Variants in BCL9L observed in about 807,000 individuals in gnomAD.
The protein encoded by BCL9L is B-cell CLL/lymphoma 9-like protein.
In BCL9L, 19 loss-of-function variants were observed where a neutral mutation model predicts 99.4. The observed-to-expected ratio is 0.19, with a 90% CI of 0.13 to 0.28. BCL9L has a LOEUF of 0.28. Ranked by LOEUF, BCL9L falls within the 10% of genes least tolerant of loss-of-function variation. The pLI, the probability that BCL9L is intolerant of heterozygous loss-of-function variation, is 1.00. For missense variants in BCL9L, 2,023 were observed against 2,101.6 expected, an observed-to-expected ratio of 0.96 and a Z score of 0.73; for synonymous variants, 900 against 854.8, an observed-to-expected ratio of 1.05 and a Z score of -0.92.
chr11:118,900,938 G>A lies in BCL9L; in HGVS notation c.2805C>T (p.Pro935=), dbSNP rs760327340. The change falls in exon 8 of 10, where the codon CCC becomes CCT. Residue 935 remains proline, a synonymous_variant. Coordinates refer to ENST00000683865, the MANE Select transcript of BCL9L (RefSeq NM_001378213.1). The surrounding 1 kb of genome is among the most constrained non-coding windows in gnomAD (Gnocchi z 5.3). The stretch of plus-strand genomic sequence containing the variant: ...GGGGTGAGTGCACCTGGCTAAGGGT[G>A]GGCGACTTCAAGTGCCCCATGCCCG... The part of the protein sequence containing the change: ...GSPGMGHLKS[P]TLSQVHSPLV... 4.2e-5 allele frequency: 65 copies of A among 1,559,536 alleles called. 1 individual carries two copies. The South Asian group carries it at 7.1e-4, about 17-fold the overall frequency.
chr11:118,900,906 G>A lies in BCL9L; in HGVS notation c.2837C>T (p.Thr946Ile). 13 of 1,584,596 alleles carry A rather than the reference G, an allele frequency of 8.2e-6. No individual in the cohort carries two copies. Among genetic ancestry groups the A allele is most frequent in the Non-Finnish European group, 1.0e-5 (12 of 1,162,810 alleles). Residue 946 changes from threonine (T) to isoleucine (I), a missense_variant, in exon 8 of 10, where the codon ACC becomes ATC. By Grantham distance (89) the Thr-to-Ile change is moderately conservative. Coordinates refer to ENST00000683865, the MANE Select transcript of BCL9L (RefSeq NM_001378213.1). The surrounding 1 kb of genome is among the most constrained non-coding windows in gnomAD (Gnocchi z 5.3). ...TLSQVHSPLVTSPSANLKSPQ... is the reference protein window; with the variant it reads ...TLSQVHSPLVISPSANLKSPQ... ...TGACTTGAGGTTGGCAGAGGGCGAG[G>A]TGACCAGGGGTGAGTGCACCTGGCT...
Position 118,898,855 on chromosome 11 carries a change from G to T in BCL9L, c.4060C>A (p.Pro1354Thr). 1 of 1,614,112 alleles carries T rather than the reference G, an allele frequency of 6.2e-7. No homozygotes were observed. The highest frequency in any genetic ancestry group is 8.5e-7 in the Non-Finnish European group (1 of 1,180,010). The part of the protein sequence containing the change: ...KSENQPPKAQ[P>T]PNLHLMNLQN... Reference sequence around the variant, plus strand: ...AGGTTCATGAGATGCAGATTAGGGGGCTGAGCCTTGGGGGGCTGGTTCTCG... The same window carrying T: ...AGGTTCATGAGATGCAGATTAGGGGTCTGAGCCTTGGGGGGCTGGTTCTCG... Residue 1354 changes from proline (P) to threonine (T), a missense_variant, in exon 10 of 10, where the codon CCC (proline) becomes ACC (threonine). Coordinates refer to ENST00000683865, the MANE Select transcript of BCL9L (RefSeq NM_001378213.1).
rs759439465 is a variant in BCL9L, at chr11:118,902,213, C to T, written c.1530G>A (p.Gln510=). 4 of 1,613,548 alleles carry T rather than the reference C, an allele frequency of 2.5e-6. No homozygotes were observed. In the East Asian group the frequency reaches 8.9e-5, roughly 36 times the overall value. The part of the protein sequence containing the change: ...QMNMMIQRLG[Q]DSLTPEQVAW... ...CCACCTGCTCAGGCGTGAGGCTGTC[C>T]TGGCCCAGCCTCTGTATCATCATGT... Residue 510 remains glutamine, a synonymous_variant, in exon 8 of 10, where the codon CAG becomes CAA. Transcript: ENST00000683865. The surrounding 1 kb of genome is among the most constrained non-coding windows in gnomAD (Gnocchi z 7.8).
chr11:118,904,301 C>T (rs181669193), intron 5 of BCL9L, among the ~76,000 whole-genome samples: 5 of 152,064 alleles, frequency 3.3e-5, no homozygotes, highest in Admixed American at 3.3e-4. Flanking sequence ...ATTAACTGGG[C>T]ATGGTGGCGC....
chr11:118,908,862 A>T (rs1404742842), intron 3 of BCL9L, among the ~76,000 whole-genome samples: 1 of 152,032 alleles, frequency 6.6e-6, no homozygotes, highest in East Asian at 1.9e-4. Flanking sequence ...TGGGGAGTGG[A>T]GATGGGGAAA....
Position 118,900,650 on chromosome 11 carries a change from G to A in BCL9L, c.3093C>T (p.Asn1031=), listed in dbSNP as rs1400283625. Residue 1031 remains asparagine, a synonymous_variant, in exon 8 of 10, where the codon AAC becomes AAT. Transcript: ENST00000683865. This position sits in a 1 kb window ranked among gnomAD's most constrained non-coding sequence, Gnocchi z 5.3. ...CCATGTTGCTCAGGGTGGTGGAAGAGTTCATGTTGAGAGGCGGCTGCTTGT... is the reference window on the plus strand; with the variant it reads ...CCATGTTGCTCAGGGTGGTGGAAGAATTCATGTTGAGAGGCGGCTGCTTGT... The part of the protein sequence containing the change: ...SQNKQPPLNM[N]SSTTLSNMEQ... 2 of 1,612,264 alleles carry A rather than the reference G, an allele frequency of 1.2e-6. No individual in the cohort carries two copies. Among genetic ancestry groups the A allele is most frequent in the African/African-American group, 2.7e-5 (2 of 74,904 alleles).
chr11:118,910,051 T>A, intron 2 of BCL9L, 36 bp from the exon 3 acceptor site: 1 of 1,459,980 alleles, frequency 6.8e-7, no homozygotes. Flanking sequence ...AACTCGTGAC[T>A]TGGGGAGGGG....
intron 4 of BCL9L, 100 bp from the exon 5 acceptor site, chr11:118,907,702 C>T: frequency 6.6e-7 from 1 of 1,523,020 alleles, no homozygotes; most frequent in Non-Finnish European, 8.8e-7. Context: ...ATGCCCCACC[C>T]TAGAGGGCAC....
Position 118,899,248 on chromosome 11 carries a change from A to T in BCL9L, c.3667T>A (p.Ser1223Thr). Residue 1223 changes from serine (S) to threonine (T), a missense_variant, in exon 10 of 10, where the codon TCC (serine) becomes ACC (threonine). Ser to Thr is a moderately conservative substitution (Grantham distance 58, BLOSUM62 1). Around this residue, in one of 3 missense-constraint regions of BCL9L, gnomAD observed 902 missense variants for 888.2 expected, o/e 1.02. Coordinates refer to ENST00000683865, the MANE Select transcript of BCL9L (RefSeq NM_001378213.1). ...NAPCGPVPSS[S>T]QMMPFPPRLQ... ...CGAGGGGGGAAGGGCATCATCTGGG[A>T]GGAGCTGGGCACTGGGCCACAGGGG... 1 of 1,519,102 alleles carries T rather than the reference A, an allele frequency of 6.6e-7. No homozygotes were observed. The highest frequency in any genetic ancestry group is 8.8e-7 in the Non-Finnish European group (1 of 1,135,034). 94.1% of individuals were successfully genotyped at this position (1,519,102 alleles called of 1,614,324 possible). A position where few individuals can be genotyped will look rare whatever the true frequency, so the allele number is the denominator to read the frequency against.
In BCL9L at chr11:118,903,275, G is replaced by C; in HGVS notation, c.710C>G (p.Ser237Trp). 2 of 1,585,930 alleles carry C rather than the reference G, an allele frequency of 1.3e-6. No individual in the cohort carries two copies. Among genetic ancestry groups the C allele is most frequent in the Non-Finnish European group, 1.7e-6 (2 of 1,168,114 alleles). Residue 237 changes from serine to tryptophan, a missense_variant, in exon 6 of 10, where the codon TCG becomes TGG. Physicochemically the swap from Ser to Trp is radical, Grantham distance 177 (BLOSUM62 -3). This residue lies in a region of BCL9L where 1,116 missense variants were observed against 1,194.6 expected (regional missense o/e 0.93). Coordinates refer to ENST00000683865, the MANE Select transcript of BCL9L (RefSeq NM_001378213.1). This position sits in a 1 kb window ranked among gnomAD's most constrained non-coding sequence, Gnocchi z 5.6. Reference sequence around the variant, plus strand: ...GGTGGTGAAGACATATACGAACTGCGAGGGAGGCTTTCCGGGGACGCCCCC... The same window carrying C: ...GGTGGTGAAGACATATACGAACTGCCAGGGAGGCTTTCCGGGGACGCCCCC... ...GGGGVPGKPP[S>W]QFVYVFTTHL...
At chr11:118,905,025 T>C (rs1940448462) in intron 5 of BCL9L, among the ~76,000 whole-genome samples, 1 of 152,178 alleles carries the variant, frequency 6.6e-6, no homozygotes, top group African/African-American at 2.4e-5. Flanking sequence ...AGCTAACATG[T>C]TACATGTATA....
At position 118,900,676 on chromosome 11, in the gene BCL9L, T is replaced by C. The variant is rs766114175; in HGVS notation, c.3067A>G (p.Asn1023Asp). The change falls in exon 8 of 10, where the codon AAC becomes GAC. Residue 1023 changes from asparagine (N) to aspartate (D), a missense_variant. By Grantham distance (23) the Asn-to-Asp change is conservative (BLOSUM62 1). Transcript: ENST00000683865. The surrounding 1 kb of genome is among the most constrained non-coding windows in gnomAD (Gnocchi z 5.3). ...TAMPSPGVSQNKQPPLNMNSS... is the reference protein window; with the variant it reads ...TAMPSPGVSQDKQPPLNMNSS... ...TTCATGTTGAGAGGCGGCTGCTTGT[T>C]CTGGGAGACCCCCGGGCTGGGCATG... is the stretch of plus-strand genomic sequence containing the variant. 6.2e-7 allele frequency: 1 copy of C among 1,613,422 alleles called. No homozygotes were observed. Among genetic ancestry groups the C allele is most frequent in the Non-Finnish European group, 8.5e-7 (1 of 1,179,760 alleles).
In BCL9L at chr11:118,915,934, A is replaced by G. The variant is rs543372220; in HGVS notation, c.-77+2892T>C. On this transcript the variant is annotated intron_variant, in intron 2 of 9. Coordinates refer to ENST00000683865, the MANE Select transcript of BCL9L (RefSeq NM_001378213.1). ...CCCAAAGGGTTAACAAGGCCCTAAA[A>G]ATAACCTGCGCCCAGCAGGACCCAC... is the stretch of plus-strand genomic sequence containing the variant. Among the ~76,000 whole-genome samples the G allele has an allele frequency of 5.3e-5, 8 of 152,308 alleles. No homozygotes were observed. The South Asian group carries it at 1.2e-3, about 24-fold the overall frequency.
At position 118,897,166 on chromosome 11, in the gene BCL9L, A is replaced by C. The variant is rs1366302691; in HGVS notation, c.*1249T>G. 6.5e-6 allele frequency: 1 copy of C among 153,758 alleles called. No individual in the cohort carries two copies. Among genetic ancestry groups the C allele is most frequent in the Non-Finnish European group, 1.5e-5 (1 of 68,850 alleles). The allele number at this position is 153,758 out of a possible 1,614,324, so 9.5% of individuals were successfully genotyped here. On this transcript the variant is annotated 3_prime_UTR_variant, in exon 10 of 10. Transcript: ENST00000683865. Reference sequence around the variant, plus strand: ...TGGAGACTGGAGGGGAGGTGCACTGACTCAGATGAACTGTTCTCCCCCTTC... The same window carrying C: ...TGGAGACTGGAGGGGAGGTGCACTGCCTCAGATGAACTGTTCTCCCCCTTC...
Position 118,900,593 on chromosome 11 carries a change from C to G in BCL9L, c.3124+26G>C. 6.3e-7 allele frequency: 1 copy of G among 1,575,812 alleles called. No homozygotes were observed. Among genetic ancestry groups the G allele is most frequent in the Non-Finnish European group, 8.6e-7 (1 of 1,161,002 alleles). On this transcript the variant is annotated intron_variant, in intron 8 of 9. Coordinates refer to ENST00000683865, the MANE Select transcript of BCL9L (RefSeq NM_001378213.1). This position sits in a 1 kb window ranked among gnomAD's most constrained non-coding sequence, Gnocchi z 5.3. Reference sequence around the variant, plus strand: ...TGCTCAGCGCCTGCCTGCCTGCCTGCCTGCCTGCCTGCGCAATTGACTCAC... The same window carrying G: ...TGCTCAGCGCCTGCCTGCCTGCCTGGCTGCCTGCCTGCGCAATTGACTCAC...
chr11:118,897,659 CT>C lies in BCL9L; in HGVS notation c.*755del, dbSNP rs1229706081. 2.5e-6 allele frequency: 1 copy of C among 399,426 alleles called. No individual in the cohort carries two copies. The highest frequency in any genetic ancestry group is 4.9e-6 in the Non-Finnish European group (1 of 203,624). The allele number at this position is 399,426 out of a possible 1,614,324, so 24.7% of individuals were successfully genotyped here. ...GGTATCCCTTAGGGACCCAGAGACA[CT>C]GCAAACAGTGGGTGGCCATGTAGGG... On this transcript the variant is annotated 3_prime_UTR_variant, in exon 10 of 10. Transcript: ENST00000683865.
intron 2 of BCL9L, chr11:118,910,658 AGAGCGAGC>A (rs200787294): frequency 6.8e-6 from 1 of 147,114 alleles, no homozygotes; most frequent in African/African-American, 2.5e-5. Context: ...GCGGAGAGGC[AGAGCGAGC>A]GAGCGACAGC....
At chr11:118,910,061 G>T in intron 2 of BCL9L, 46 bp from the exon 3 acceptor site, 2 of 1,367,036 alleles carry the variant, frequency 1.5e-6, no homozygotes, top group Non-Finnish European at 2.0e-6. Context: ...TTGGGGAGGG[G>T]GTGTCAGAGG....
At position 118,908,308 on chromosome 11, in the gene BCL9L, C is replaced by A; in HGVS notation, c.374G>T (p.Arg125Leu). 6.3e-7 allele frequency: 1 copy of A among 1,577,464 alleles called. No homozygotes were observed. The change falls in exon 4 of 10, where the codon CGA becomes CTA. Residue 125 changes from arginine to leucine, a missense_variant. Arg to Leu is a moderately radical substitution (Grantham distance 102). Around this residue, in one of 3 missense-constraint regions of BCL9L, gnomAD observed 1,116 missense variants for 1,194.6 expected, o/e 0.93. Coordinates refer to ENST00000683865, the MANE Select transcript of BCL9L (RefSeq NM_001378213.1). ...RSVSVDSGEQ[R>L]EAGTPSLDSE... The stretch of plus-strand genomic sequence containing the variant: ...ATCCAGGGATGGGGTCCCAGCCTCT[C>A]GCTGCTCTCCAGAGTCCACAGACAC...
Sources: allele counts gnomAD v4.1 joint callset (sites outside exome capture counted in the v4.1 genomes callset), GRCh38; gene constraint gnomAD v4.1.1; regional missense constraint gnomAD v4.1.1; non-coding constraint Gnocchi (gnomAD v3.1); transcripts MANE v1.5; gene names NCBI Gene and HGNC (gene_info 2026-07-23, HGNC 2026-07-21).